JAKMIP2: variants seen among roughly 807,000 people sequenced by gnomAD.
The protein encoded by JAKMIP2 is janus kinase and microtubule interacting protein 2.
In JAKMIP2, 25 loss-of-function variants were observed where a neutral mutation model predicts 115.0. That is an observed-to-expected ratio of 0.22 (90% confidence interval 0.16 to 0.30). The LOEUF is 0.30. Ranked by LOEUF, JAKMIP2 falls within the 10% of genes least tolerant of loss-of-function variation. The probability of loss-of-function intolerance (pLI) is 1.00; values close to 1 mark genes in which losing one functional copy is unlikely to be tolerated. For synonymous variants in JAKMIP2, 334 were observed against 343.6 expected, an observed-to-expected ratio of 0.97 and a Z score of 0.31; for missense variants, 642 against 957.6, an observed-to-expected ratio of 0.67 and a Z score of 4.35.
chr5:147,765,824 A>G (rs1371930204), intron 1 of JAKMIP2, among the ~76,000 whole-genome samples: 1 of 152,136 alleles, frequency 6.6e-6, no homozygotes. Context: ...ATACAAACAA[A>G]TTTTAATAGA....
intron 1 of JAKMIP2, among the ~76,000 whole-genome samples, chr5:147,748,910 G>A (rs1354818971): frequency 2.0e-5 from 3 of 152,102 alleles, no homozygotes; most frequent in Non-Finnish European, 2.9e-5. Flanking sequence ...CCTCTCTCTG[G>A]AAGACAGAGG....
At chr5:147,697,509 C>G (rs1431787335) in intron 1 of JAKMIP2, among the ~76,000 whole-genome samples, 1 of 152,212 alleles carries the variant, frequency 6.6e-6, no homozygotes, top group Non-Finnish European at 1.5e-5. Flanking sequence ...GAGGCCTTCA[C>G]AGCAGCCTCT....
intron 1 of JAKMIP2, among the ~76,000 whole-genome samples, chr5:147,747,690 C>T (rs143519816): frequency 6.6e-6 from 1 of 152,220 alleles, no homozygotes; most frequent in Non-Finnish European, 1.5e-5. Context: ...AAGGAATCAC[C>T]AGATTCCATA....
intron 5 of JAKMIP2, among the ~76,000 whole-genome samples, chr5:147,648,120 T>A (rs1268640194): frequency 6.6e-6 from 1 of 152,126 alleles, no homozygotes; most frequent in African/African-American, 2.4e-5. Flanking sequence ...GCGATTGAAG[T>A]CAGAATAGTG....
At position 147,650,326 on chromosome 5, in the gene JAKMIP2, G is replaced by C. The variant is rs1758334759; in HGVS notation, c.837+12C>G. 1.9e-6 allele frequency: 3 copies of C among 1,559,870 alleles called. No homozygotes were observed. The highest frequency in any genetic ancestry group is 2.7e-6 in the Non-Finnish European group (3 of 1,130,602). Reference sequence around the variant, plus strand: ...ACTTGTGCATTCTTAACTTCAACTAGAATGGACTTACAGGACTGCTGCAGT... The same window carrying C: ...ACTTGTGCATTCTTAACTTCAACTACAATGGACTTACAGGACTGCTGCAGT... On this transcript the variant is annotated intron_variant, in intron 4 of 21. Transcript: ENST00000616793.
intron 20 of JAKMIP2, among the ~76,000 whole-genome samples, chr5:147,603,247 G>A (rs938697942): frequency 1.3e-5 from 2 of 152,090 alleles, no homozygotes; most frequent in Non-Finnish European, 2.9e-5. Context: ...ATTTCTTTGA[G>A]CCATTGTTTT....
chr5:147,736,978 T>C (rs1182600545), intron 1 of JAKMIP2, among the ~76,000 whole-genome samples: 1 of 152,162 alleles, frequency 6.6e-6, no homozygotes, highest in Non-Finnish European at 1.5e-5. Flanking sequence ...TGCTTCTTAC[T>C]GTAGGGCTGA....
At chr5:147,620,864 C>A in intron 17 of JAKMIP2, 121 bp from the exon 18 acceptor site, 1 of 678,318 alleles carries the variant, frequency 1.5e-6, no homozygotes, top group South Asian at 2.0e-5. Context: ...TTTGTAGAGT[C>A]ATAAATTTTG....
intron 11 of JAKMIP2, 97 bp downstream of exon 11, chr5:147,636,868 A>T (rs1261833119): frequency 3.7e-6 from 3 of 815,320 alleles, no homozygotes; most frequent in Admixed American, 3.4e-5. Context: ...GTGGAGAGCC[A>T]AGCTGTGTCC....
At chr5:147,604,532 C>A (rs947279742) in intron 20 of JAKMIP2, among the ~76,000 whole-genome samples, 3 of 152,120 alleles carry the variant, frequency 2.0e-5, no homozygotes, top group Admixed American at 1.3e-4. Context: ...TTGAGCCCAC[C>A]AACTCCCTTT....
intron 1 of JAKMIP2, among the ~76,000 whole-genome samples, chr5:147,776,353 T>TTATAAGGGG (rs1304847448): frequency 6.6e-6 from 1 of 152,086 alleles, no homozygotes; most frequent in Non-Finnish European, 1.5e-5. Context: ...GCTGATGGTT[T>TTATAAGGGG]TATAAGGGGC....
intron 1 of JAKMIP2, among the ~76,000 whole-genome samples, chr5:147,677,564 G>A (rs1760035949): frequency 6.6e-6 from 1 of 152,082 alleles, no homozygotes; most frequent in Admixed American, 6.5e-5. Context: ...ACCAGGAGTG[G>A]GATGCCCCAT....
chr5:147,763,306 T>G (rs1469996616), intron 1 of JAKMIP2, among the ~76,000 whole-genome samples: 1 of 152,098 alleles, frequency 6.6e-6, no homozygotes, highest in Non-Finnish European at 1.5e-5. Context: ...AATGGATAGA[T>G]AAAACTCCCA....
At chr5:147,640,050 C>A (rs1757808700) in intron 9 of JAKMIP2, among the ~76,000 whole-genome samples, 1 of 152,052 alleles carries the variant, frequency 6.6e-6, no homozygotes, top group Non-Finnish European at 1.5e-5. Flanking sequence ...AATTTTGGAT[C>A]CAAATAAGAA....
At chr5:147,721,580 G>C (rs1319445555) in intron 1 of JAKMIP2, among the ~76,000 whole-genome samples, 1 of 152,210 alleles carries the variant, frequency 6.6e-6, no homozygotes, top group Admixed American at 6.5e-5. Context: ...CGTCGGAAAA[G>C]CGCAGTATTC....
At chr5:147,739,235 G>C (rs1302421113) in intron 1 of JAKMIP2, among the ~76,000 whole-genome samples, 4 of 152,132 alleles carry the variant, frequency 2.6e-5, no homozygotes, top group African/African-American at 9.7e-5. Flanking sequence ...AGAAATGCAC[G>C]AGCGGCTTTC....
At chr5:147,753,331 T>C (rs970786764) in intron 1 of JAKMIP2, among the ~76,000 whole-genome samples, 2 of 152,230 alleles carry the variant, frequency 1.3e-5, no homozygotes, top group African/African-American at 4.8e-5. Flanking sequence ...GTTGCTGCTA[T>C]ATTAATTCTA....
chr5:147,607,477 T>C (rs936315936), intron 20 of JAKMIP2, among the ~76,000 whole-genome samples: 2 of 152,206 alleles, frequency 1.3e-5, no homozygotes, highest in African/African-American at 2.4e-5. Context: ...GGATTACGTT[T>C]ATTGATTTAT....
intron 1 of JAKMIP2, among the ~76,000 whole-genome samples, chr5:147,744,054 CCTTCCT>C (rs1471689022): frequency 3.8e-5 from 5 of 131,636 alleles, no homozygotes; most frequent in East Asian, 2.2e-4. Context: ...TTCCTTCCTT[CCTTCCT>C]CTCTCTTTCT....
Sources: allele counts gnomAD v4.1 joint callset (sites outside exome capture counted in the v4.1 genomes callset), GRCh38; gene constraint gnomAD v4.1.1; transcripts MANE v1.5; gene names NCBI Gene and HGNC (gene_info 2026-07-23, HGNC 2026-07-21).